The following NEK6 variants were observed in gnomAD, a reference collection of about 807,000 sequenced individuals.
NEK6 encodes the protein serine/threonine-protein kinase Nek6.
NEK6 carries 27 observed loss-of-function variants against 43.5 expected under a neutral mutation model. The observed-to-expected ratio is 0.62, with a 90% CI of 0.46 to 0.86. The LOEUF (loss-of-function observed/expected upper bound fraction) is 0.86. NEK6 is among the 40% of genes least tolerant of loss of function. NEK6 has a pLI of 0.00. For synonymous variants in NEK6, 167 were observed against 164.1 expected, an observed-to-expected ratio of 1.02 and a Z score of -0.14; for missense variants, 318 against 414.4, an observed-to-expected ratio of 0.77 and a Z score of 2.02.
In NEK6 at chr9:124,335,606, C is replaced by T. The variant is rs183524872; in HGVS notation, c.623-3965C>T. ...AAGAATTGTGGGCAGTGGCACGCGC[C>T]GCCACATAGCTCACAGGCAGGCGGA... On this transcript the variant is annotated intron_variant, in intron 7 of 9. Coordinates refer to ENST00000320246, the MANE Select transcript of NEK6 (RefSeq NM_014397.6). Among the ~76,000 whole-genome samples the T allele has an allele frequency of 3.1e-3, 477 of 152,302 alleles. 2 individuals carry two copies. The highest frequency in any genetic ancestry group is 0.011 in the African/African-American group (457 of 41,562).
In NEK6 at chr9:124,292,706, C is replaced by CG. The variant is rs899940796; in HGVS notation, c.-29-9224dup. 1.2e-5 allele frequency: 14 copies of CG among 1,153,696 alleles called. No individual in the cohort carries two copies. The African/African-American group carries it at 1.9e-4, about 15-fold the overall frequency. 71.5% of individuals were successfully genotyped at this position (1,153,696 alleles called of 1,614,324 possible). A position where few individuals can be genotyped will look rare whatever the true frequency, so the allele number is the denominator to read the frequency against. ...TGGTCCCCCTGGCATGAGTTGGTCTCGGGGGGCCAGGCTTCTCCCTCCTGG... is the reference window on the plus strand; with the variant it reads ...TGGTCCCCCTGGCATGAGTTGGTCTCGGGGGGGCCAGGCTTCTCCCTCCTGG... On this transcript the variant is annotated intron_variant, in intron 1 of 9. Coordinates refer to ENST00000320246, the MANE Select transcript of NEK6 (RefSeq NM_014397.6).
At chr9:124,260,433 G>T (rs995187725) in intron 1 of NEK6, among the ~76,000 whole-genome samples, 3 of 151,960 alleles carry the variant, frequency 2.0e-5, no homozygotes, top group Non-Finnish European at 4.4e-5. Context: ...TCACTCTGTT[G>T]CCCAGGCTGG....
chr9:124,313,386 T>C (rs1175076428), intron 3 of NEK6, among the ~76,000 whole-genome samples: 2 of 152,042 alleles, frequency 1.3e-5, no homozygotes, highest in Admixed American at 1.3e-4. Flanking sequence ...TGTTTTTTTT[T>C]TGAGATAGAG....
intron 1 of NEK6, among the ~76,000 whole-genome samples, chr9:124,295,945 G>A (rs1259696565): frequency 6.6e-6 from 1 of 152,246 alleles, no homozygotes; most frequent in African/African-American, 2.4e-5. Context: ...CAAAACAAGG[G>A]TGATGGTACT....
At chr9:124,350,631 G>A (rs1588559401) in intron 9 of NEK6, among the ~76,000 whole-genome samples, 1 of 152,154 alleles carries the variant, frequency 6.6e-6, no homozygotes, top group Non-Finnish European at 1.5e-5. Flanking sequence ...GACAGGCCTG[G>A]GAGGGGTACT....
intron 8 of NEK6, among the ~76,000 whole-genome samples, chr9:124,347,487 C>T (rs1038585716): frequency 7.2e-5 from 11 of 152,232 alleles, no homozygotes; most frequent in African/African-American, 2.4e-4. Context: ...CACCGAAACC[C>T]TCGTGCCCAC....
At chr9:124,344,413 C>G (rs1829809260) in intron 8 of NEK6, among the ~76,000 whole-genome samples, 1 of 152,234 alleles carries the variant, frequency 6.6e-6, no homozygotes. Flanking sequence ...GGCGCTGACC[C>G]CAGCTAGTGG....
chr9:124,315,345 G>A (rs1230083087), intron 4 of NEK6, among the ~76,000 whole-genome samples: 1 of 152,202 alleles, frequency 6.6e-6, no homozygotes, highest in Admixed American at 6.5e-5. Context: ...CATGGCAGCA[G>A]AGCCAGATAC....
At chr9:124,350,811 A>G (rs1368814805) in intron 9 of NEK6, 26 bp from the exon 10 acceptor site, 3 of 1,558,420 alleles carry the variant, frequency 1.9e-6, no homozygotes, top group South Asian at 2.2e-5. Flanking sequence ...TTTCTTGAGA[A>G]TAACACACCA....
Position 124,258,055 on chromosome 9 carries a change from CCCAGCGGCAG to C in NEK6, c.-57_-48del. ...CGCCCGCGGGCCAGCGCACCGGTCC[CCCAGCGGCAG>C]CCGAGCCCGCCCGCGCGCCGGTGAG... On this transcript the variant is annotated 5_prime_UTR_variant, in exon 1 of 10. Coordinates refer to ENST00000320246, the MANE Select transcript of NEK6 (RefSeq NM_014397.6). 1 of 979,286 alleles carries C rather than the reference CCCAGCGGCAG, an allele frequency of 1.0e-6. No individual in the cohort carries two copies. Among genetic ancestry groups the C allele is most frequent in the Non-Finnish European group, 1.2e-6 (1 of 827,572 alleles). The allele number at this position is 979,286 out of a possible 1,614,324, so 60.7% of individuals were successfully genotyped here.
At position 124,326,210 on chromosome 9, in the gene NEK6, C is replaced by T. The variant is rs926352253; in HGVS notation, c.406-120C>T. 1.0e-5 allele frequency: 2 copies of T among 197,118 alleles called. 1 individual carries two copies. Among genetic ancestry groups the T allele is most frequent in the Non-Finnish European group, 2.5e-5 (2 of 78,450 alleles). The allele number at this position is 197,118 out of a possible 1,614,324, so 12.2% of individuals were successfully genotyped here. On this transcript the variant is annotated intron_variant, in intron 5 of 9. Coordinates refer to ENST00000320246, the MANE Select transcript of NEK6 (RefSeq NM_014397.6). The surrounding 1 kb of genome is among the most constrained non-coding windows in gnomAD (Gnocchi z 4.5). ...TTTGCTCAGTGGCTCAATCCCCCCC[C>T]CCCGCCCCTGCCAGGCACCAGTTAC...
At chr9:124,282,988 G>A (rs1183509119) in intron 1 of NEK6, among the ~76,000 whole-genome samples, 2 of 152,236 alleles carry the variant, frequency 1.3e-5, no homozygotes, top group Non-Finnish European at 2.9e-5. Flanking sequence ...AGCCTGTGGG[G>A]CAGGAAGGAG....
intron 9 of NEK6, among the ~76,000 whole-genome samples, chr9:124,348,595 T>A (rs7862425): frequency 0.032 from 4,825 of 152,200 alleles, 258 homozygotes; most frequent in African/African-American, 0.11. Flanking sequence ...GGGGATAATA[T>A]TAAATCTTCC....
In NEK6 at chr9:124,339,670, G is replaced by A; in HGVS notation, c.717+5G>A. 1 of 1,605,018 alleles carries A rather than the reference G, an allele frequency of 6.2e-7. No homozygotes were observed. Among genetic ancestry groups the A allele is most frequent in the Non-Finnish European group, 8.5e-7 (1 of 1,171,606 alleles). On this transcript the variant is annotated splice_donor_5th_base_variant and intron_variant, in intron 8 of 9. Transcript: ENST00000320246. ...CTGGGCTGTCTGCTGTACGAGGTGA[G>A]TCTCTGTCCGTGGCTCAGCAGCATT...
At chr9:124,268,973 G>A (rs778168990) in intron 1 of NEK6, among the ~76,000 whole-genome samples, 2 of 152,148 alleles carry the variant, frequency 1.3e-5, no homozygotes, top group Admixed American at 6.5e-5. Context: ...CGGCAGATGC[G>A]GGAAGGAGGG....
intron 2 of NEK6, among the ~76,000 whole-genome samples, chr9:124,304,133 G>A (rs1435936830): frequency 6.6e-6 from 1 of 152,262 alleles, no homozygotes; most frequent in Admixed American, 6.5e-5. Flanking sequence ...GCAGAATGGG[G>A]GCGCAAGGCC....
chr9:124,350,767 CAG>C (rs1224140143), intron 9 of NEK6, 68 bp from the exon 10 acceptor site: 2 of 1,077,382 alleles, frequency 1.9e-6, no homozygotes, highest in East Asian at 4.9e-5. Context: ...TTCATGCAGA[CAG>C]ACTGTGGAGT....
chr9:124,349,487 G>A (rs891569837), intron 9 of NEK6, among the ~76,000 whole-genome samples: 3 of 152,120 alleles, frequency 2.0e-5, no homozygotes, highest in Non-Finnish European at 4.4e-5. Flanking sequence ...CCCACTCCCC[G>A]GAGCACTGGC....
At chr9:124,294,384 C>T (rs1832577491) in intron 1 of NEK6, among the ~76,000 whole-genome samples, 1 of 151,900 alleles carries the variant, frequency 6.6e-6, no homozygotes, top group Admixed American at 6.6e-5. Context: ...GTCTGAGAAG[C>T]AGGTTCAAAT....
Sources: allele counts gnomAD v4.1 joint callset (sites outside exome capture counted in the v4.1 genomes callset), GRCh38; gene constraint gnomAD v4.1.1; non-coding constraint Gnocchi (gnomAD v3.1); transcripts MANE v1.5; gene names NCBI Gene and HGNC (gene_info 2026-07-23, HGNC 2026-07-21).